Variants in SORBS2 observed in about 807,000 individuals in gnomAD.
SORBS2 encodes sorbin and SH3 domain-containing protein 2.
A neutral mutation model predicts 97.7 loss-of-function variants in SORBS2; 46 were observed. That is an observed-to-expected ratio of 0.47 (90% CI 0.37 to 0.60). The LOEUF (loss-of-function observed/expected upper bound fraction) is 0.60. Among genes scored for constraint, SORBS2 ranks in the 20% least tolerant of loss-of-function variants. The pLI, the probability that SORBS2 is intolerant of heterozygous loss-of-function variation, is 0.00. For synonymous variants in SORBS2, 476 were observed against 473.4 expected (o/e 1.01, Z -0.07); for missense variants, 1,316 against 1,282.3 (o/e 1.03, Z -0.40).
At chr4:185,955,233 C>T (rs187861763) in intron 1 of SORBS2, among the ~76,000 whole-genome samples, 1 of 152,294 alleles carries the variant, frequency 6.6e-6, no homozygotes, top group East Asian at 1.9e-4. Flanking sequence ...CTCTCCTTCA[C>T]TCAAGCCACC....
intron 1 of SORBS2, among the ~76,000 whole-genome samples, chr4:185,932,043 T>TAC (rs1315316889): frequency 2.0e-5 from 3 of 151,840 alleles, no homozygotes; most frequent in Non-Finnish European, 4.4e-5. Flanking sequence ...TAGATACAGA[T>TAC]ATATATTTAG....
At chr4:185,840,548 C>A (rs1017988690) in intron 1 of SORBS2, among the ~76,000 whole-genome samples, 9 of 152,124 alleles carry the variant, frequency 5.9e-5, no homozygotes, top group African/African-American at 2.2e-4. Flanking sequence ...CTTCTTCTAT[C>A]AAATCCAACT....
intron 1 of SORBS2, among the ~76,000 whole-genome samples, chr4:185,783,222 A>C (rs1183249760): frequency 2.0e-5 from 3 of 152,254 alleles, no homozygotes; most frequent in Non-Finnish European, 4.4e-5. Flanking sequence ...CCTTATATCA[A>C]GTACATGAGA....
chr4:185,832,425 C>A (rs1028925011), intron 1 of SORBS2, among the ~76,000 whole-genome samples: 39 of 152,266 alleles, frequency 2.6e-4, no homozygotes, highest in African/African-American at 8.7e-4. Context: ...TTACTTCTAT[C>A]TATCTTGGCT....
chr4:185,704,223 G>A (rs1389458450), intron 2 of SORBS2, among the ~76,000 whole-genome samples: 1 of 152,090 alleles, frequency 6.6e-6, no homozygotes, highest in Non-Finnish European at 1.5e-5. Context: ...TTTCATGTTG[G>A]AGTCAGGATA....
At chr4:185,750,448 A>G (rs1379615865) in intron 2 of SORBS2, among the ~76,000 whole-genome samples, 1 of 152,210 alleles carries the variant, frequency 6.6e-6, no homozygotes, top group Non-Finnish European at 1.5e-5. Flanking sequence ...CATATTCCGT[A>G]GCATCATAGG....
exon 3 of SORBS2, chr4:185,678,807 G>T: frequency 6.8e-7 from 1 of 1,464,926 alleles, no homozygotes; most frequent in South Asian, 1.5e-5. Context: ...TGAGTCTGGT[G>T]ACTGAGAATC....
intron 1 of SORBS2, among the ~76,000 whole-genome samples, chr4:185,914,106 A>C (rs2099256801): frequency 6.6e-6 from 1 of 152,208 alleles, no homozygotes; most frequent in African/African-American, 2.4e-5. Flanking sequence ...CCATGATTCT[A>C]TACCTGGGTT....
intron 1 of SORBS2, among the ~76,000 whole-genome samples, chr4:185,860,280 G>T (rs890296005): frequency 6.6e-6 from 1 of 152,222 alleles, no homozygotes; most frequent in South Asian, 2.1e-4. Flanking sequence ...TAACAAGCTT[G>T]CATTCCAGAG....
At chr4:185,766,575 T>C (rs1286847825) in intron 2 of SORBS2, among the ~76,000 whole-genome samples, 2 of 152,242 alleles carry the variant, frequency 1.3e-5, no homozygotes, top group Non-Finnish European at 2.9e-5. Flanking sequence ...TTCTTGAGTG[T>C]TTTGAAAATT....
chr4:185,900,335 C>CA (rs1490484414), intron 1 of SORBS2, among the ~76,000 whole-genome samples: 1 of 152,182 alleles, frequency 6.6e-6, no homozygotes, highest in Non-Finnish European at 1.5e-5. Context: ...GTGAACCACA[C>CA]AGCCTTTAGG....
intron 12 of SORBS2, among the ~76,000 whole-genome samples, chr4:185,609,373 A>G (rs995545093): frequency 6.6e-6 from 1 of 152,200 alleles, no homozygotes; most frequent in African/African-American, 2.4e-5. Context: ...TATTATGTAG[A>G]TGAGAAAGAA....
Position 185,877,867 on chromosome 4 carries a change from C to CAAAAAAAAAAA in SORBS2, c.-338+78328_-338+78329insTTTTTTTTTTT, listed in dbSNP as rs1491116547. 2.7e-3 allele frequency among the ~76,000 whole-genome samples: 138 copies of CAAAAAAAAAAA among 50,394 alleles called. 6 individuals carry two copies. Among genetic ancestry groups the CAAAAAAAAAAA allele is most frequent in the Admixed American group, 3.4e-3 (14 of 4,066 alleles). The allele number at this position is 50,394 out of a possible 152,430, so 33.1% of individuals were successfully genotyped here. A position where few individuals can be genotyped will look rare whatever the true frequency, so the allele number is the denominator to read the frequency against. On this transcript the variant is annotated intron_variant, in intron 1 of 20. Coordinates refer to the SORBS2 transcript ENST00000284776. ...CCTGGGTGACAGAGTGAGACTCTGT[C>CAAAAAAAAAAA]AAAAAACAAAAAAAAAAAAGAAAGA...
At chr4:185,682,786 G>A (rs1013374867) in intron 2 of SORBS2, among the ~76,000 whole-genome samples, 13 of 152,026 alleles carry the variant, frequency 8.6e-5, no homozygotes, top group African/African-American at 1.7e-4. Flanking sequence ...TGAGGCGGGC[G>A]GATCACTTGA....
intron 4 of SORBS2, among the ~76,000 whole-genome samples, chr4:185,670,123 G>A (rs571730095): frequency 1.3e-5 from 2 of 152,234 alleles, no homozygotes; most frequent in South Asian, 2.1e-4. Flanking sequence ...GGAGGCTGAG[G>A]CAGGAGAATT....
At chr4:185,875,080 C>A (rs2099232734) in intron 1 of SORBS2, among the ~76,000 whole-genome samples, 1 of 152,022 alleles carries the variant, frequency 6.6e-6, no homozygotes. Context: ...AGTATGTCCT[C>A]AACTACTTGT....
intron 2 of SORBS2, chr4:185,690,590 GTTAT>G: frequency 6.7e-7 from 1 of 1,502,008 alleles, no homozygotes; most frequent in Non-Finnish European, 9.0e-7. Context: ...TGGAGAGTTT[GTTAT>G]TAAAGTCTTC....
At chr4:185,874,854 C>G (rs531056824) in intron 1 of SORBS2, among the ~76,000 whole-genome samples, 2 of 100,072 alleles carry the variant, frequency 2.0e-5, no homozygotes, top group African/African-American at 3.1e-5. Context: ...TTTACCTTAC[C>G]CTGATTTTTT....
chr4:185,672,185 C>T (rs1348070470), intron 4 of SORBS2, among the ~76,000 whole-genome samples: 1 of 152,220 alleles, frequency 6.6e-6, no homozygotes, highest in Non-Finnish European at 1.5e-5. Context: ...TTACTCTGTC[C>T]TCCTTAGTAT....
Sources: gnomAD v4.1 joint callset for allele counts (sites outside exome capture counted in the v4.1 genomes callset) on GRCh38, gnomAD v4.1.1 for gene constraint, MANE v1.5 for transcripts, NCBI Gene and HGNC (gene_info 2026-07-23, HGNC 2026-07-21) for gene names.